Variants in MORN5 observed in about 807,000 individuals in gnomAD.
MORN5 encodes MORN repeat-containing protein 5.
MORN5 carries 21 observed loss-of-function variants against 22.1 expected under a neutral mutation model. The ratio of observed to expected loss-of-function variants is 0.95; its 90% CI spans 0.67 to 1.37. MORN5 has a LOEUF of 1.37. Among genes scored for constraint, MORN5 ranks in the 40% most tolerant of loss-of-function variants. The probability of loss-of-function intolerance (pLI) is 0.00; values close to 1 mark genes in which losing one functional copy is unlikely to be tolerated. For synonymous variants in MORN5, 73 were observed against 74.0 expected (o/e 0.99, Z 0.07); for missense variants, 211 against 215.1 (o/e 0.98, Z 0.12).
At chr9:122,181,226 G>A (rs1240072104) in intron 4 of MORN5, among the ~76,000 whole-genome samples, 4 of 152,228 alleles carry the variant, frequency 2.6e-5, no homozygotes, top group Non-Finnish European at 4.4e-5. Context: ...GTGGGGCCAT[G>A]CACTGCCCAG....
chr9:122,175,852 T>C lies in MORN5; in HGVS notation c.439+1225T>C, dbSNP rs7466668. Among the ~76,000 whole-genome samples, 1,303 of 152,050 alleles carry C rather than the reference T, an allele frequency of 8.6e-3. 14 individuals carry two copies. Among genetic ancestry groups the C allele is most frequent in the African/African-American group, 0.03 (1,245 of 41,460 alleles). On this transcript the variant is annotated intron_variant, in intron 4 of 4. Transcript: ENST00000373764. ...AGGAGAGGCCGGGCGCGGTGGCTCA[T>C]GCCTGTAATCCCAGCACTTTGGGAG...
chr9:122,166,891 T>C lies in MORN5; in HGVS notation c.171T>C (p.Ile57=). 6.2e-7 allele frequency: 1 copy of C among 1,613,670 alleles called. No homozygotes were observed. The highest frequency in any genetic ancestry group is 1.3e-5 in the African/African-American group (1 of 74,986). The change falls in exon 2 of 5, where the codon ATT becomes ATC. Residue 57 remains isoleucine (I), a synonymous_variant. Transcript: ENST00000373764. ...CCAGCGGAAGCCAATACGACGCCAT[T>C]TGGGAAAACGGATTGGCCATAAAGG... The part of the protein sequence containing the change: ...YFPSGSQYDA[I]WENGLAIKGT...
At chr9:122,174,867 A>G (rs1829425165) in intron 4 of MORN5, 1 of 1,322,178 alleles carries the variant, frequency 7.6e-7, no homozygotes, top group African/African-American at 1.6e-5. Flanking sequence ...TAAATGTCGC[A>G]CTGAAAGGAT....
chr9:122,169,665 T>C lies in MORN5; in HGVS notation c.216T>C (p.Asp72=), dbSNP rs1829338374. 2 of 1,613,928 alleles carry C rather than the reference T, an allele frequency of 1.2e-6. No homozygotes were observed. Reference sequence around the variant, plus strand: ...TCCAGGGCACATATACGTTCTCAGATGGGCTGCACTATGATGAGAAAAACT... The same window carrying C: ...TCCAGGGCACATATACGTTCTCAGACGGGCTGCACTATGATGAGAAAAACT... The part of the protein sequence containing the change: ...LAIKGTYTFS[D]GLHYDEKNWH... The change falls in exon 3 of 5, where the codon GAT becomes GAC. Residue 72 remains aspartate (D), a synonymous_variant. Transcript: ENST00000373764.
chr9:122,160,742 G>A (rs1362142432), intron 1 of MORN5, among the ~76,000 whole-genome samples: 5 of 152,034 alleles, frequency 3.3e-5, no homozygotes, highest in African/African-American at 1.2e-4. Flanking sequence ...AGCCTCCCAA[G>A]TAGCTGAGAC....
At position 122,166,280 on chromosome 9, in the gene MORN5, T is replaced by TTA. The variant is rs145965768; in HGVS notation, c.48-475_48-474dup. ...AGCCAAACAATATTAGTATCCAAGA[T>TTA]TATATATATATATAATGGTGGTAAG... On this transcript the variant is annotated intron_variant, in intron 1 of 4. Coordinates refer to ENST00000373764, the MANE Select transcript of MORN5 (RefSeq NM_198469.4). Among the ~76,000 whole-genome samples, 28 of 149,730 alleles carry TTA rather than the reference T, an allele frequency of 1.9e-4. No homozygotes were observed. In the South Asian group the frequency reaches 4.2e-3, roughly 22 times the overall value.
intron 4 of MORN5, among the ~76,000 whole-genome samples, chr9:122,188,004 G>A (rs1224166300): frequency 6.6e-6 from 1 of 152,162 alleles, no homozygotes; most frequent in African/African-American, 2.4e-5. Context: ...GCTCCAGATG[G>A]AGCAGCTGAA....
intron 4 of MORN5, 104 bp from the exon 5 acceptor site, chr9:122,199,781 T>C (rs1291897647): frequency 2.0e-6 from 2 of 1,025,372 alleles, no homozygotes; most frequent in African/African-American, 1.6e-5. Context: ...AGACTGGCCA[T>C]CGACGGACCA....
intron 1 of MORN5, among the ~76,000 whole-genome samples, chr9:122,166,279 A>ATT (rs1289893394): frequency 1.5e-5 from 2 of 137,630 alleles, no homozygotes; most frequent in Admixed American, 1.4e-4. Flanking sequence ...AGTATCCAAG[A>ATT]TTATATATAT....
chr9:122,196,031 C>T (rs1423069154), intron 4 of MORN5, among the ~76,000 whole-genome samples: 1 of 150,202 alleles, frequency 6.7e-6, no homozygotes, highest in East Asian at 2.0e-4. Context: ...AATCACAGCT[C>T]ACCGCAGCCT....
chr9:122,179,764 T>C (rs1404674395), intron 4 of MORN5, among the ~76,000 whole-genome samples: 1 of 152,186 alleles, frequency 6.6e-6, no homozygotes, highest in Non-Finnish European at 1.5e-5. Flanking sequence ...TACCCCTGAC[T>C]CACCTCACCC....
intron 2 of MORN5, 141 bp downstream of exon 2, chr9:122,167,056 CTTTT>C (rs35889616): frequency 9.3e-4 from 416 of 445,058 alleles, no homozygotes; most frequent in Middle Eastern, 1.3e-3. Flanking sequence ...ACTCCCCCCA[CTTTT>C]TTTTTTTTTT....
intron 4 of MORN5, among the ~76,000 whole-genome samples, chr9:122,183,326 G>A (rs1037971295): frequency 3.9e-5 from 6 of 152,164 alleles, no homozygotes; most frequent in Admixed American, 1.3e-4. Context: ...CAGTTTGTAT[G>A]AGTATCTCTT....
chr9:122,168,910 C>T (rs1829326474), intron 2 of MORN5, among the ~76,000 whole-genome samples: 1 of 152,060 alleles, frequency 6.6e-6, no homozygotes, highest in African/African-American at 2.4e-5. Flanking sequence ...AACCTGGAGG[C>T]CCAGGAAAGC....
chr9:122,166,625 C>G (rs201188187), intron 1 of MORN5, 143 bp from the exon 2 acceptor site: 4 of 735,468 alleles, frequency 5.4e-6, no homozygotes, highest in East Asian at 5.8e-5. Context: ...GGAAACAAAA[C>G]AAAAATTTTG....
At chr9:122,186,742 C>T (rs1243557702) in intron 4 of MORN5, among the ~76,000 whole-genome samples, 1 of 152,172 alleles carries the variant, frequency 6.6e-6, no homozygotes, top group East Asian at 1.9e-4. Context: ...CACAGCTTCC[C>T]CTTCAGTAGC....
intron 4 of MORN5, among the ~76,000 whole-genome samples, chr9:122,185,516 G>A (rs1261361069): frequency 7.0e-6 from 1 of 143,194 alleles, no homozygotes; most frequent in Non-Finnish European, 1.5e-5. Flanking sequence ...GTGAGCCACT[G>A]CAACTGGCCA....
At chr9:122,166,294 A>AT (rs200859903) in intron 1 of MORN5, among the ~76,000 whole-genome samples, 1 of 151,716 alleles carries the variant, frequency 6.6e-6, no homozygotes, top group Admixed American at 6.6e-5. Flanking sequence ...ATATATATAT[A>AT]ATGGTGGTAA....
intron 1 of MORN5, chr9:122,164,478 A>T: frequency 1.4e-6 from 1 of 739,322 alleles, no homozygotes; most frequent in Non-Finnish European, 1.7e-6. Context: ...GAGATGGCTT[A>T]CAGCCCCAGC....
Sources: gnomAD v4.1 joint callset for allele counts (sites outside exome capture counted in the v4.1 genomes callset) on GRCh38, gnomAD v4.1.1 for gene constraint, MANE v1.5 for transcripts, NCBI Gene and HGNC (gene_info 2026-07-23, HGNC 2026-07-21) for gene names.